NDST3: variants seen among roughly 807,000 people sequenced by gnomAD.
NDST3 encodes N-deacetylase and N-sulfotransferase 3, also known as bifunctional heparan sulfate N-deacetylase/N-sulfotransferase 3.
NDST3 carries 58 observed loss-of-function variants against 96.1 expected under a neutral mutation model. The ratio of observed to expected loss-of-function variants is 0.60; its 90% CI spans 0.49 to 0.75. NDST3 has a LOEUF of 0.75. Ranked by LOEUF, NDST3 falls within the 30% of genes least tolerant of loss-of-function variation. The pLI is 0.00. For synonymous variants in NDST3, 333 were observed against 359.7 expected, an observed-to-expected ratio of 0.93 and a Z score of 0.84; for missense variants, 788 against 1,034.2, an observed-to-expected ratio of 0.76 and a Z score of 3.27.
At chr4:118,212,341 C>G (rs184677950) in intron 6 of NDST3, among the ~76,000 whole-genome samples, 1 of 152,064 alleles carries the variant, frequency 6.6e-6, no homozygotes, top group African/African-American at 2.4e-5. Flanking sequence ...AAGTTTGAGA[C>G]CAGCCTGAGC....
chr4:118,088,136 T>C (rs1359655492), intron 2 of NDST3, among the ~76,000 whole-genome samples: 1 of 152,048 alleles, frequency 6.6e-6, no homozygotes, highest in Non-Finnish European at 1.5e-5. Flanking sequence ...ATGACAGACA[T>C]GTAAGTAAGC....
At chr4:118,183,453 AT>A (rs1370859210) in intron 6 of NDST3, among the ~76,000 whole-genome samples, 2 of 152,124 alleles carry the variant, frequency 1.3e-5, no homozygotes, top group Admixed American at 6.6e-5. Context: ...GGCAGGGCCT[AT>A]CCCCATCCCA....
At chr4:118,162,115 G>C (rs1345075291) in intron 6 of NDST3, among the ~76,000 whole-genome samples, 1 of 152,146 alleles carries the variant, frequency 6.6e-6, no homozygotes, top group East Asian at 1.9e-4. Flanking sequence ...ACAAAGAAAT[G>C]GAAGAACATT....
chr4:118,182,529 G>A (rs139505895), intron 6 of NDST3, among the ~76,000 whole-genome samples: 3,007 of 152,184 alleles, frequency 0.02, 38 homozygotes, highest in Middle Eastern at 0.078. Context: ...ATGATACTGG[G>A]ATGGGAGTTT....
intron 2 of NDST3, among the ~76,000 whole-genome samples, chr4:118,099,529 C>T (rs1729602509): frequency 1.3e-5 from 2 of 151,966 alleles, no homozygotes; most frequent in South Asian, 2.1e-4. Flanking sequence ...GATTGTTTTG[C>T]CATTAGGAGT....
rs111394971 is a variant in NDST3, at chr4:118,156,183, T to C, written c.1539+12499T>C. On this transcript the variant is annotated intron_variant, in intron 6 of 13. Transcript: ENST00000296499. ...CACTCCACCCATACAGAATAATTCA[T>C]AGTACCTTGAACAAAACTTTGTACT... Among the ~76,000 whole-genome samples, 544 of 152,304 alleles carry C rather than the reference T, an allele frequency of 3.6e-3. 4 individuals are homozygous for C. Among genetic ancestry groups the C allele is most frequent in the African/African-American group, 0.012 (507 of 41,570 alleles).
intron 10 of NDST3, among the ~76,000 whole-genome samples, chr4:118,240,293 G>A (rs1018783210): frequency 6.6e-6 from 1 of 152,050 alleles, no homozygotes; most frequent in Admixed American, 6.6e-5. Flanking sequence ...CCTATCGATA[G>A]GAATTCAACT....
chr4:118,091,910 C>T (rs1728899714), intron 2 of NDST3, among the ~76,000 whole-genome samples: 1 of 151,576 alleles, frequency 6.6e-6, no homozygotes, highest in Non-Finnish European at 1.5e-5. Context: ...TATTGTTATA[C>T]ATACTTATGA....
intron 6 of NDST3, among the ~76,000 whole-genome samples, chr4:118,165,525 T>G (rs1481331578): frequency 6.6e-6 from 1 of 151,888 alleles, no homozygotes; most frequent in Non-Finnish European, 1.5e-5. Context: ...AGACCAAAAA[T>G]CAATAAGAAA....
chr4:118,152,233 T>C (rs957539485), intron 6 of NDST3, among the ~76,000 whole-genome samples: 1 of 152,202 alleles, frequency 6.6e-6, no homozygotes, highest in African/African-American at 2.4e-5. Flanking sequence ...GTTCTGTTCT[T>C]TACACATGCA....
chr4:118,154,275 T>C (rs113840284), intron 6 of NDST3, among the ~76,000 whole-genome samples: 1 of 152,208 alleles, frequency 6.6e-6, no homozygotes, highest in Non-Finnish European at 1.5e-5. Context: ...GTGTGATTAT[T>C]TGTGTGTGCA....
chr4:118,069,303 A>T (rs574611653), intron 2 of NDST3, among the ~76,000 whole-genome samples: 2 of 152,078 alleles, frequency 1.3e-5, no homozygotes, highest in Non-Finnish European at 2.9e-5. Context: ...ATGAAATAGC[A>T]AATAAATTAC....
intron 6 of NDST3, among the ~76,000 whole-genome samples, chr4:118,188,066 T>G: frequency 6.6e-6 from 1 of 152,074 alleles, no homozygotes; most frequent in South Asian, 2.1e-4. Flanking sequence ...ATCAGCCCTC[T>G]TGCCTAGGAA....
chr4:118,167,167 C>T (rs977695688), intron 6 of NDST3, among the ~76,000 whole-genome samples: 46 of 151,724 alleles, frequency 3.0e-4, no homozygotes, highest in Non-Finnish European at 2.8e-4. Context: ...AACATACACA[C>T]GCAGGCACAC....
chr4:118,202,574 C>T (rs1738160575), intron 6 of NDST3, among the ~76,000 whole-genome samples: 1 of 152,052 alleles, frequency 6.6e-6, no homozygotes, highest in African/African-American at 2.4e-5. Context: ...TTTCTTTTGG[C>T]TATTGTAAAT....
At chr4:118,132,612 C>T (rs1732729585) in intron 4 of NDST3, among the ~76,000 whole-genome samples, 2 of 152,102 alleles carry the variant, frequency 1.3e-5, no homozygotes, top group South Asian at 4.1e-4. Flanking sequence ...TTACTTTTCC[C>T]TATGCTTTTC....
chr4:118,103,761 T>C (rs1317648601), intron 2 of NDST3, among the ~76,000 whole-genome samples: 1 of 152,080 alleles, frequency 6.6e-6, no homozygotes, highest in Non-Finnish European at 1.5e-5. Context: ...CTGTCTTCTA[T>C]TTCTGAGTGT....
chr4:118,093,786 T>C (rs188884871), intron 2 of NDST3, among the ~76,000 whole-genome samples: 1 of 151,980 alleles, frequency 6.6e-6, no homozygotes, highest in East Asian at 1.9e-4. Flanking sequence ...TTAGTTCATT[T>C]GTACTGCTAC....
chr4:118,205,008 C>T (rs1381666492), intron 6 of NDST3, among the ~76,000 whole-genome samples: 1 of 144,372 alleles, frequency 6.9e-6, no homozygotes, highest in Non-Finnish European at 1.5e-5. Flanking sequence ...CTTTTTACTT[C>T]ATTTTATGTT....
Sources: allele counts gnomAD v4.1 joint callset (sites outside exome capture counted in the v4.1 genomes callset), GRCh38; gene constraint gnomAD v4.1.1; transcripts MANE v1.5; gene names NCBI Gene and HGNC (gene_info 2026-07-23, HGNC 2026-07-21).